The following PPP6R2 variants were observed in gnomAD, a reference collection of about 807,000 sequenced individuals.
The protein encoded by PPP6R2 is protein phosphatase 6 regulatory subunit 2.
In PPP6R2, 62 loss-of-function variants were observed where a neutral mutation model predicts 100.2. The observed-to-expected ratio is 0.62, with a 90% CI of 0.50 to 0.76. PPP6R2 has a LOEUF of 0.76. Ranked by LOEUF, PPP6R2 falls within the 30% of genes least tolerant of loss-of-function variation. PPP6R2 has a pLI of 0.00. For synonymous variants in PPP6R2, 525 were observed against 514.7 expected (o/e 1.02, Z -0.27); for missense variants, 1,142 against 1,276.3 (o/e 0.89, Z 1.60).
At chr22:50,391,826 C>T (rs1269112448) in intron 2 of PPP6R2, 1 of 151,226 alleles carries the variant, frequency 6.6e-6, no homozygotes. Flanking sequence ...ATTCTTCTAG[C>T]AGGATCCTAT....
At chr22:50,412,218 C>T (rs1013904626) in intron 4 of PPP6R2, among the ~76,000 whole-genome samples, 1 of 151,844 alleles carries the variant, frequency 6.6e-6, no homozygotes, top group Non-Finnish European at 1.5e-5. Context: ...TGGAGATAGA[C>T]TCTCACTCTA....
intron 3 of PPP6R2, among the ~76,000 whole-genome samples, chr22:50,394,462 G>A (rs2056317993): frequency 6.6e-6 from 1 of 151,804 alleles, no homozygotes; most frequent in African/African-American, 2.4e-5. Flanking sequence ...AGCCAGATGT[G>A]GTGTTGTAGA....
At chr22:50,436,872 A>G in intron 14 of PPP6R2, 116 bp from the exon 15 acceptor site, 1 of 805,204 alleles carries the variant, frequency 1.2e-6, no homozygotes, top group South Asian at 1.5e-5. Flanking sequence ...CTGATGAGTG[A>G]TGTGCTGGGT....
intron 2 of PPP6R2, among the ~76,000 whole-genome samples, chr22:50,385,459 A>C (rs947281322): frequency 8.6e-5 from 13 of 151,244 alleles, no homozygotes; most frequent in Non-Finnish European, 1.8e-4. Context: ...TTGGCTTCCC[A>C]AAATGCCGGG....
At chr22:50,377,794 G>T (rs952233364) in intron 2 of PPP6R2, among the ~76,000 whole-genome samples, 2 of 151,892 alleles carry the variant, frequency 1.3e-5, no homozygotes, top group African/African-American at 4.8e-5. Flanking sequence ...GGATCACAAG[G>T]TCAAGAGTTC....
the PPP6R2 span, among the ~76,000 whole-genome samples, chr22:50,336,611 C>T: frequency 1.3e-5 from 2 of 151,654 alleles, no homozygotes; most frequent in East Asian, 3.9e-4. Context: ...CCTGGCTGGT[C>T]TCAAACTCCT....
At chr22:50,410,277 A>AT (rs1328469449) in intron 4 of PPP6R2, among the ~76,000 whole-genome samples, 12 of 152,244 alleles carry the variant, frequency 7.9e-5, no homozygotes, top group African/African-American at 2.6e-4. Context: ...GTGAGGTCTT[A>AT]GTGTAGCACA....
At chr22:50,418,072 G>C (rs2060786622) in intron 6 of PPP6R2, among the ~76,000 whole-genome samples, 1 of 152,152 alleles carries the variant, frequency 6.6e-6, no homozygotes, top group Admixed American at 6.6e-5. Context: ...ATTTTCATTA[G>C]CTTACAGGAC....
At chr22:50,401,599 C>G (rs2058046731) in intron 3 of PPP6R2, among the ~76,000 whole-genome samples, 1 of 150,852 alleles carries the variant, frequency 6.6e-6, no homozygotes, top group African/African-American at 2.4e-5. Context: ...GCAAGCTCTG[C>G]CTCCTGGGTT....
chr22:50,355,528 CT>C (rs200137558), intron 1 of PPP6R2, among the ~76,000 whole-genome samples: 30 of 112,602 alleles, frequency 2.7e-4, no homozygotes, highest in African/African-American at 2.7e-4. Flanking sequence ...TGCGCCCGGC[CT>C]TTTTTTTTTG....
chr22:50,434,224 GC>G (rs2063704165), intron 12 of PPP6R2, among the ~76,000 whole-genome samples: 2 of 75,842 alleles, frequency 2.6e-5, no homozygotes, highest in Non-Finnish European at 5.4e-5. Flanking sequence ...AGGGCTGGGG[GC>G]ATGGATGCTG....
chr22:50,386,961 C>T (rs2054374418), intron 2 of PPP6R2, among the ~76,000 whole-genome samples: 1 of 151,980 alleles, frequency 6.6e-6, no homozygotes. Flanking sequence ...GGTGTGGATC[C>T]AGGCCCTCTC....
chr22:50,419,895 C>G (rs1157001316), intron 8 of PPP6R2, among the ~76,000 whole-genome samples: 2 of 152,254 alleles, frequency 1.3e-5, no homozygotes, highest in Non-Finnish European at 2.9e-5. Flanking sequence ...GTGACACTCA[C>G]CGCTGTCTCC....
At chr22:50,352,734 CAAAAACA>C (rs2045580939) in intron 1 of PPP6R2, among the ~76,000 whole-genome samples, 1 of 115,474 alleles carries the variant, frequency 8.7e-6, no homozygotes, top group South Asian at 2.7e-4. Flanking sequence ...AAAACAAAAA[CAAAAACA>C]AAAAAAAAAA....
intron 12 of PPP6R2, among the ~76,000 whole-genome samples, chr22:50,433,301 T>C (rs200932493): frequency 5.5e-4 from 40 of 72,828 alleles, no homozygotes; most frequent in East Asian, 2.2e-3. Flanking sequence ...GGGGCATGGA[T>C]GCTGGGCAGG....
intron 22 of PPP6R2, 162 bp downstream of exon 22, chr22:50,441,188 G>A (rs2065502026): frequency 1.5e-6 from 1 of 674,318 alleles, no homozygotes; most frequent in African/African-American, 1.8e-5. Context: ...GCTGGCTGAG[G>A]CGGCGGTGGT....
At chr22:50,339,835 G>T (rs1156537200), upstream of PPP6R2, among the ~76,000 whole-genome samples, 5 of 43,240 alleles carry the variant, frequency 1.2e-4, no homozygotes, top group Non-Finnish European at 1.9e-4. Context: ...TGTAGTGTGT[G>T]TGGTGTGTGG....
At chr22:50,374,366 T>C (rs2050967960) in intron 2 of PPP6R2, among the ~76,000 whole-genome samples, 2 of 151,836 alleles carry the variant, frequency 1.3e-5, no homozygotes, top group Admixed American at 1.3e-4. Flanking sequence ...ATTCAACATA[T>C]GGATTAAACA....
At chr22:50,356,419 C>T (rs1331135717) in intron 1 of PPP6R2, among the ~76,000 whole-genome samples, 3 of 151,506 alleles carry the variant, frequency 2.0e-5, no homozygotes, top group African/African-American at 7.3e-5. Context: ...CATCACACCT[C>T]AGCCTCCCAA....
Sources: allele counts gnomAD v4.1 joint callset (sites outside exome capture counted in the v4.1 genomes callset), GRCh38; gene constraint gnomAD v4.1.1; transcripts MANE v1.5; gene names NCBI Gene and HGNC (gene_info 2026-07-23, HGNC 2026-07-21).